Variants in NME7 observed in about 807,000 individuals in gnomAD.
The protein encoded by NME7 is nucleoside diphosphate kinase 7.
Under a neutral mutation model 49.1 loss-of-function variants are expected in NME7, and 41 were observed. That is an observed-to-expected ratio of 0.83 (90% CI 0.65 to 1.08). The LOEUF (loss-of-function observed/expected upper bound fraction) is 1.08. Among genes scored for constraint, NME7 ranks in the 50% least tolerant of loss-of-function variants. The pLI is 0.00. For missense variants in NME7, 423 were observed against 463.4 expected (o/e 0.91, Z 0.80); for synonymous variants, 139 against 150.6 (o/e 0.92, Z 0.56).
Position 169,342,911 on chromosome 1 carries a change from G to GTA in NME7, c.4-18412_4-18411insTA, listed in dbSNP as rs1652812270. Among the ~76,000 whole-genome samples the GTA allele has an allele frequency of 5.6e-5, 4 of 71,388 alleles. 1 individual carries two copies. Among genetic ancestry groups the GTA allele is most frequent in the Non-Finnish European group, 1.2e-4 (4 of 33,914 alleles). 46.8% of individuals were successfully genotyped at this position (71,388 alleles called of 152,430 possible). Reference sequence around the variant, plus strand: ...ACATATATACAAGTACATATATATAGTGTATATATATATATACAAGTACAT... The same window carrying GTA: ...ACATATATACAAGTACATATATATAGTATGTATATATATATATACAAGTACAT... On this transcript the variant is annotated intron_variant, in intron 1 of 11. Coordinates refer to ENST00000367811, the MANE Select transcript of NME7 (RefSeq NM_013330.5).
At chr1:169,343,310 T>C (rs913504891) in intron 1 of NME7, among the ~76,000 whole-genome samples, 1 of 152,048 alleles carries the variant, frequency 6.6e-6, no homozygotes, top group African/African-American at 2.4e-5. Context: ...TTAGTCGAAA[T>C]TGCTCTTTCT....
intron 11 of NME7, among the ~76,000 whole-genome samples, chr1:169,163,670 TA>T (rs112124770): frequency 1.6e-3 from 249 of 151,182 alleles, no homozygotes; most frequent in African/African-American, 5.6e-3. Context: ...TGTGATTATG[TA>T]AAAAAAAATG....
chr1:169,179,629 A>G (rs1343712930), intron 10 of NME7, among the ~76,000 whole-genome samples: 1 of 152,254 alleles, frequency 6.6e-6, no homozygotes, highest in Non-Finnish European at 1.5e-5. Context: ...GCAGCCATAA[A>G]AAGGAACAAG....
At chr1:169,189,005 G>A (rs1235406559) in intron 10 of NME7, among the ~76,000 whole-genome samples, 1 of 152,170 alleles carries the variant, frequency 6.6e-6, no homozygotes, top group East Asian at 1.9e-4. Context: ...AAGTCTAAAA[G>A]CTGAGTAATA....
At chr1:169,245,322 A>C (rs1016463569) in intron 7 of NME7, among the ~76,000 whole-genome samples, 4 of 152,156 alleles carry the variant, frequency 2.6e-5, no homozygotes, top group African/African-American at 4.8e-5. Flanking sequence ...CCTACTCACG[A>C]GCATGAGAGC....
At chr1:169,286,084 G>T (rs1453973368) in intron 7 of NME7, 1 of 151,950 alleles carries the variant, frequency 6.6e-6, no homozygotes, top group African/African-American at 2.4e-5. Context: ...TATTAATGAG[G>T]ACTTAACAGC....
intron 11 of NME7, among the ~76,000 whole-genome samples, chr1:169,164,288 T>C (rs748674986): frequency 1.3e-4 from 20 of 152,206 alleles, no homozygotes; most frequent in Non-Finnish European, 2.5e-4. Context: ...TTAACTAAAC[T>C]CTTCCTTCCT....
At chr1:169,201,291 C>T (rs1429545948) in intron 10 of NME7, among the ~76,000 whole-genome samples, 1 of 151,944 alleles carries the variant, frequency 6.6e-6, no homozygotes. Context: ...CAGAAAGGGG[C>T]AAGACCATGT....
intron 3 of NME7, among the ~76,000 whole-genome samples, chr1:169,319,837 T>C (rs997430901): frequency 2.6e-5 from 4 of 152,222 alleles, no homozygotes; most frequent in African/African-American, 9.7e-5. Flanking sequence ...GATGGCTTGC[T>C]TTCTGGCTGA....
chr1:169,296,961 C>T (rs377241121), intron 6 of NME7, among the ~76,000 whole-genome samples: 1 of 151,244 alleles, frequency 6.6e-6, no homozygotes, highest in East Asian at 2.1e-4. Flanking sequence ...GCTGTTTTTG[C>T]CCTCTATAGT....
rs1391149552 is a variant in NME7 at position 169,271,598 on chromosome 1, C to A, written c.754+15705G>T. Among the ~76,000 whole-genome samples the A allele has an allele frequency of 3.0e-5, 4 of 133,096 alleles. 1 individual carries two copies. Among genetic ancestry groups the A allele is most frequent in the Non-Finnish European group, 5.3e-5 (3 of 56,824 alleles). 87.3% of individuals were successfully genotyped at this position (133,096 alleles called of 152,430 possible). A position where few individuals can be genotyped will look rare whatever the true frequency, so the allele number is the denominator to read the frequency against. The stretch of plus-strand genomic sequence containing the variant: ...CTTGCAGAGTCTACTAAGGCTCTAT[C>A]AAGGTTGTGCTTGCCCTTTATTGTA... On this transcript the variant is annotated intron_variant, in intron 7 of 11. Coordinates refer to ENST00000367811, the MANE Select transcript of NME7 (RefSeq NM_013330.5).
At chr1:169,198,395 A>G (rs1478244164) in intron 10 of NME7, among the ~76,000 whole-genome samples, 2 of 152,098 alleles carry the variant, frequency 1.3e-5, no homozygotes, top group Non-Finnish European at 2.9e-5. Context: ...TATTCCCACA[A>G]AAACTTGTAC....
rs1374029198 is a variant in NME7, at chr1:169,230,735, A to G, written c.973T>C (p.Cys325Arg). 1.6e-5 allele frequency: 26 copies of G among 1,601,926 alleles called. No homozygotes were observed. Among genetic ancestry groups the G allele is most frequent in the Non-Finnish European group, 2.0e-5 (24 of 1,174,284 alleles). Residue 325 changes from cysteine to arginine, a missense_variant, in exon 10 of 12, where the codon TGT becomes CGT. Coordinates refer to ENST00000367811, the MANE Select transcript of NME7 (RefSeq NM_013330.5). ...TAACTTACAGGATCAGCAGGTCCAC[A>G]AAATTCTCGAAATGTCTTTGTAGCA... ...NNATKTFREF[C>R]GPADPEIARH...
chr1:169,153,341 C>G lies in NME7; in HGVS notation c.1098+16106G>C, dbSNP rs556839675. Among the ~76,000 whole-genome samples the G allele has an allele frequency of 4.8e-3, 731 of 152,222 alleles. 7 individuals carry two copies. Among genetic ancestry groups the G allele is most frequent in the African/African-American group, 0.017 (688 of 41,522 alleles). On this transcript the variant is annotated intron_variant, in intron 11 of 11. Transcript: ENST00000367811. Reference sequence around the variant, plus strand: ...CCATCAGAAAGCTTTCCAAAGTCTCCACAATCTAGCTCTAATTTACATTTC... The same window carrying G: ...CCATCAGAAAGCTTTCCAAAGTCTCGACAATCTAGCTCTAATTTACATTTC...
chr1:169,237,595 A>G, intron 8 of NME7, 28 bp downstream of exon 8: 1 of 1,551,846 alleles, frequency 6.4e-7, no homozygotes, highest in Non-Finnish European at 8.9e-7. Context: ...ATCCTCACAA[A>G]TATTATGGTT....
intron 11 of NME7, among the ~76,000 whole-genome samples, chr1:169,160,263 C>T (rs990379886): frequency 6.6e-6 from 1 of 152,148 alleles, no homozygotes; most frequent in African/African-American, 2.4e-5. Flanking sequence ...TGCTAACATC[C>T]TCAATTATCT....
chr1:169,165,464 T>C (rs1659383174), intron 11 of NME7, among the ~76,000 whole-genome samples: 1 of 152,208 alleles, frequency 6.6e-6, no homozygotes, highest in Admixed American at 6.5e-5. Flanking sequence ...CTTCTTGCCA[T>C]ATAAATAGGA....
chr1:169,142,841 AG>A (rs1658638100), intron 11 of NME7, among the ~76,000 whole-genome samples: 1 of 152,152 alleles, frequency 6.6e-6, no homozygotes, highest in African/African-American at 2.4e-5. Flanking sequence ...GGCATCCTGG[AG>A]CCGGCACAGG....
intron 11 of NME7, among the ~76,000 whole-genome samples, chr1:169,158,376 AT>A (rs1249450496): frequency 1.3e-5 from 2 of 152,172 alleles, no homozygotes; most frequent in Non-Finnish European, 2.9e-5. Context: ...AAAACTTTTT[AT>A]TTTTTAATTT....
Sources: allele counts gnomAD v4.1 joint callset (sites outside exome capture counted in the v4.1 genomes callset), GRCh38; gene constraint gnomAD v4.1.1; transcripts MANE v1.5; gene names NCBI Gene and HGNC (gene_info 2026-07-23, HGNC 2026-07-21).